The following CTNNA3 variants were observed in gnomAD, a reference collection of about 807,000 sequenced individuals.
The protein encoded by CTNNA3 is catenin alpha-3.
Under a neutral mutation model 95.7 loss-of-function variants are expected in CTNNA3, and 76 were observed. That is an observed-to-expected ratio of 0.79 (90% CI 0.66 to 0.96). The LOEUF (loss-of-function observed/expected upper bound fraction) is 0.96, where lower values mean the gene tolerates loss of function less well. Among genes scored for constraint, CTNNA3 ranks in the 40% least tolerant of loss-of-function variants. CTNNA3 has a pLI of 0.00. For missense variants in CTNNA3, 1,191 were observed against 1,089.8 expected, an observed-to-expected ratio of 1.09 and a Z score of -1.31; for synonymous variants, 431 against 374.4, an observed-to-expected ratio of 1.15 and a Z score of -1.74.
chr10:66,349,181 C>T (rs996369273), intron 12 of CTNNA3, among the ~76,000 whole-genome samples: 13 of 152,062 alleles, frequency 8.5e-5, no homozygotes, highest in African/African-American at 3.1e-4. Context: ...TACAGCAAAA[C>T]CTGTGGGCAG....
chr10:66,865,213 C>CGTGTGTGTGT (rs3055786), intron 7 of CTNNA3, among the ~76,000 whole-genome samples: 62 of 143,926 alleles, frequency 4.3e-4, no homozygotes, highest in African/African-American at 1.6e-3. Context: ...TGTGTGTGTG[C>CGTGTGTGTGT]GTGTGTGTGT....
At chr10:65,974,103 G>A (rs1331306737) in intron 16 of CTNNA3, among the ~76,000 whole-genome samples, 2 of 152,190 alleles carry the variant, frequency 1.3e-5, no homozygotes, top group Non-Finnish European at 2.9e-5. Flanking sequence ...ATGCTGGTGA[G>A]GCTGTGGAGA....
intron 5 of CTNNA3, among the ~76,000 whole-genome samples, chr10:67,322,719 A>G (rs1841377872): frequency 1.3e-5 from 2 of 152,232 alleles, no homozygotes; most frequent in South Asian, 4.1e-4. Flanking sequence ...AATAATTTAT[A>G]TTCCTTTCAG....
chr10:66,754,784 TA>T (rs1308411920), intron 9 of CTNNA3, among the ~76,000 whole-genome samples: 6 of 152,118 alleles, frequency 3.9e-5, no homozygotes, highest in Admixed American at 6.6e-5. Context: ...CGATGATGGC[TA>T]TAATCAAAGG....
At chr10:66,331,359 T>G (rs1192801506) in intron 12 of CTNNA3, among the ~76,000 whole-genome samples, 7 of 129,178 alleles carry the variant, frequency 5.4e-5, no homozygotes, top group South Asian at 2.6e-4. Flanking sequence ...TTTTTTTTTT[T>G]TTTTTTTTTT....
chr10:66,779,833 A>T (rs747132774), intron 7 of CTNNA3, among the ~76,000 whole-genome samples: 43 of 152,226 alleles, frequency 2.8e-4, no homozygotes, highest in Non-Finnish European at 5.9e-4. Context: ...ACAAATCTTT[A>T]TCATCTACTA....
intron 5 of CTNNA3, among the ~76,000 whole-genome samples, chr10:67,480,750 C>G (rs753359970): frequency 5.3e-5 from 8 of 152,178 alleles, no homozygotes; most frequent in Non-Finnish European, 8.8e-5. Context: ...GCTCTCAGCT[C>G]TGAAGGCTGT....
At chr10:67,208,044 T>A (rs1863978062) in intron 6 of CTNNA3, among the ~76,000 whole-genome samples, 2 of 152,154 alleles carry the variant, frequency 1.3e-5, no homozygotes, top group African/African-American at 4.8e-5. Flanking sequence ...GTATAATTAA[T>A]ATTCTAAAAG....
At chr10:67,417,740 T>A (rs550325123) in intron 5 of CTNNA3, among the ~76,000 whole-genome samples, 3 of 152,058 alleles carry the variant, frequency 2.0e-5, no homozygotes, top group African/African-American at 7.2e-5. Context: ...TTAAATCCAA[T>A]TTCGAACCCA....
intron 12 of CTNNA3, among the ~76,000 whole-genome samples, chr10:66,328,933 T>TATATACATACAC (rs59003281): frequency 8.7e-6 from 1 of 115,406 alleles, no homozygotes; most frequent in African/African-American, 3.1e-5. Flanking sequence ...TATATATATA[T>TATATACATACAC]ACACACACAC....
At chr10:67,509,933 T>G (rs951480903) in intron 5 of CTNNA3, among the ~76,000 whole-genome samples, 17 of 152,252 alleles carry the variant, frequency 1.1e-4, no homozygotes, top group African/African-American at 4.1e-4. Context: ...TGCATTTCTG[T>G]GATGACCAGT....
intron 9 of CTNNA3, among the ~76,000 whole-genome samples, chr10:66,647,700 T>C (rs2132401594): frequency 6.6e-6 from 1 of 151,678 alleles, no homozygotes; most frequent in African/African-American, 2.4e-5. Context: ...TTTGTATTTT[T>C]AGTAGAGAGG....
intron 15 of CTNNA3, among the ~76,000 whole-genome samples, chr10:65,992,913 T>C (rs1282604751): frequency 1.3e-5 from 2 of 152,154 alleles, no homozygotes; most frequent in African/African-American, 2.4e-5. Flanking sequence ...TTTTGCTCTA[T>C]CCTATAGGTT....
chr10:67,113,748 A>C (rs1269046177), intron 7 of CTNNA3, among the ~76,000 whole-genome samples: 1 of 152,172 alleles, frequency 6.6e-6, no homozygotes, highest in Non-Finnish European at 1.5e-5. Flanking sequence ...AAATGTTTGG[A>C]TATAATTATC....
intron 1 of CTNNA3, among the ~76,000 whole-genome samples, chr10:67,761,517 T>G (rs1841461274): frequency 6.6e-6 from 1 of 152,204 alleles, no homozygotes; most frequent in Non-Finnish European, 1.5e-5. Flanking sequence ...AGAAAGGTTT[T>G]CTGAGAAAGC....
intron 9 of CTNNA3, among the ~76,000 whole-genome samples, chr10:66,753,208 C>T (rs1287506745): frequency 2.0e-5 from 3 of 152,174 alleles, no homozygotes; most frequent in Non-Finnish European, 4.4e-5. Context: ...CAATAAATCA[C>T]TATTTTCCTA....
intron 16 of CTNNA3, among the ~76,000 whole-genome samples, chr10:65,986,301 A>C (rs1457349848): frequency 7.6e-6 from 1 of 131,500 alleles, no homozygotes; most frequent in Non-Finnish European, 1.6e-5. Flanking sequence ...TATATACAAA[A>C]AAAAGAAAAA....
intron 7 of CTNNA3, among the ~76,000 whole-genome samples, chr10:66,979,925 T>C (rs964455168): frequency 5.3e-5 from 8 of 152,222 alleles, no homozygotes; most frequent in African/African-American, 1.9e-4. Flanking sequence ...TGCTTTGCTT[T>C]ACTTTCCTCA....
intron 12 of CTNNA3, among the ~76,000 whole-genome samples, chr10:66,357,850 A>C (rs2092623139): frequency 6.6e-6 from 1 of 152,096 alleles, no homozygotes; most frequent in African/African-American, 2.4e-5. Context: ...ACACATACGT[A>C]TATTGTTTAA....
Sources: allele counts gnomAD v4.1 joint callset (sites outside exome capture counted in the v4.1 genomes callset), GRCh38; gene constraint gnomAD v4.1.1; transcripts MANE v1.5; gene names NCBI Gene and HGNC (gene_info 2026-07-23, HGNC 2026-07-21).